Variants in PCDH15 observed in about 807,000 individuals in gnomAD.
PCDH15 encodes protocadherin-15.
In PCDH15, 129 loss-of-function variants were observed where a neutral mutation model predicts 178.5. The ratio of observed to expected loss-of-function variants is 0.72; its 90% confidence interval spans 0.63 to 0.84. The LOEUF (loss-of-function observed/expected upper bound fraction) is 0.84. Ranked by LOEUF, PCDH15 falls within the 40% of genes least tolerant of loss-of-function variation. The probability of loss-of-function intolerance (pLI) is 0.00; values close to 1 mark genes in which losing one functional copy is unlikely to be tolerated. For synonymous variants in PCDH15, 800 were observed against 732.0 expected, an observed-to-expected ratio of 1.09 and a Z score of -1.50; for missense variants, 2,230 against 2,099.9, an observed-to-expected ratio of 1.06 and a Z score of -1.21.
intron 2 of PCDH15, among the ~76,000 whole-genome samples, chr10:54,948,023 G>C (rs996263651): frequency 6.6e-6 from 1 of 151,412 alleles, no homozygotes; most frequent in African/African-American, 2.4e-5. Context: ...ATTGATATTT[G>C]TGCAACCAGG....
intron 2 of PCDH15, among the ~76,000 whole-genome samples, chr10:55,537,411 T>TTATG (rs539616680): frequency 0.2 from 30,021 of 150,716 alleles, 3,578 homozygotes; most frequent in East Asian, 0.31. Context: ...ATTTATGTAT[T>TTATG]TATGTATGTA....
At chr10:54,182,971 T>G (rs10082371) in intron 13 of PCDH15, among the ~76,000 whole-genome samples, 23,054 of 146,544 alleles carry the variant, frequency 0.16, 4,219 homozygotes, top group African/African-American at 0.45. Flanking sequence ...TTGTTTTTGG[T>G]TTTTTGTTTT....
chr10:54,110,158 G>T (rs1001728934), intron 15 of PCDH15, among the ~76,000 whole-genome samples: 5 of 152,100 alleles, frequency 3.3e-5, no homozygotes, highest in African/African-American at 1.2e-4. Flanking sequence ...GTGGCAGCCA[G>T]GCGTGTGGTG....
chr10:54,317,146 A>G, intron 8 of PCDH15, 125 bp downstream of exon 8: 1 of 981,710 alleles, frequency 1.0e-6, no homozygotes, highest in East Asian at 2.6e-5. Flanking sequence ...TCGGACATAA[A>G]TATTTTTCAA....
chr10:55,453,736 T>A (rs1839485907), intron 2 of PCDH15, among the ~76,000 whole-genome samples: 1 of 152,026 alleles, frequency 6.6e-6, no homozygotes, highest in South Asian at 2.1e-4. Flanking sequence ...CTCTCCCAAT[T>A]CCAATTCCAA....
chr10:54,730,526 T>G (rs76125351), intron 1 of PCDH15, among the ~76,000 whole-genome samples: 1,853 of 151,658 alleles, frequency 0.012, 40 homozygotes, highest in African/African-American at 0.042. Flanking sequence ...AACATGCACA[T>G]GTACCCCAAA....
At chr10:54,521,907 G>A (rs1309838209) in intron 3 of PCDH15, among the ~76,000 whole-genome samples, 1 of 151,896 alleles carries the variant, frequency 6.6e-6, no homozygotes, top group Non-Finnish European at 1.5e-5. Flanking sequence ...GGCTAACACG[G>A]TGGAACCCCA....
intron 3 of PCDH15, among the ~76,000 whole-genome samples, chr10:54,440,043 G>A (rs1424165508): frequency 2.6e-5 from 4 of 151,930 alleles, no homozygotes; most frequent in Admixed American, 2.6e-4. Context: ...TATAGTAAAT[G>A]GAATTTTGAC....
At chr10:55,609,574 C>T (rs1050043193) in intron 2 of PCDH15, among the ~76,000 whole-genome samples, 1 of 152,062 alleles carries the variant, frequency 6.6e-6, no homozygotes, top group Non-Finnish European at 1.5e-5. Flanking sequence ...TGAAAGGCCT[C>T]TTCATTTATG....
At position 54,776,938 on chromosome 10, in the gene PCDH15, G is replaced by A. The variant is rs1049945361; in HGVS notation, c.-29+23987C>T. On this transcript the variant is annotated intron_variant, in intron 1 of 37. Coordinates refer to ENST00000644397, the MANE Select transcript of PCDH15 (RefSeq NM_001384140.1). Reference sequence around the variant, plus strand: ...TTATACAAAGAAAGAACTAGGGAGTGCGAAGAAGAGACATAATTTAAAAGA... The same window carrying A: ...TTATACAAAGAAAGAACTAGGGAGTACGAAGAAGAGACATAATTTAAAAGA... 5.3e-5 allele frequency among the ~76,000 whole-genome samples: 8 copies of A among 152,110 alleles called. No individual in the cohort carries two copies. In the East Asian group the frequency reaches 9.6e-4, roughly 18 times the overall value.
chr10:55,098,931 A>AGAGAGAGAGAGAGAGAGAGAGAGAGAGC (rs1564796896), intron 2 of PCDH15, among the ~76,000 whole-genome samples: 2 of 130,906 alleles, frequency 1.5e-5, no homozygotes, highest in Admixed American at 8.0e-5. Flanking sequence ...AGAGAGAGAG[A>AGAGAGAGAGAGAGAGAGAGAGAGAGAGC]GAGCTCTTAT....
At chr10:54,836,068 G>T (rs1408050725) in intron 3 of PCDH15, among the ~76,000 whole-genome samples, 2 of 152,100 alleles carry the variant, frequency 1.3e-5, no homozygotes, top group Admixed American at 6.6e-5. Flanking sequence ...ACACAAAAAA[G>T]TTCCTAATTC....
intron 10 of PCDH15, among the ~76,000 whole-genome samples, chr10:54,196,928 G>A (rs2049731247): frequency 6.6e-6 from 1 of 152,180 alleles, no homozygotes; most frequent in Non-Finnish European, 1.5e-5. Context: ...ACGACTGTGA[G>A]AAATAAATGT....
At chr10:53,888,285 TATATAC>T (rs1344744166) in intron 26 of PCDH15, among the ~76,000 whole-genome samples, 2 of 54,870 alleles carry the variant, frequency 3.6e-5, no homozygotes, top group South Asian at 7.2e-4. Flanking sequence ...TCCAACACTA[TATATAC>T]ATATATATAT....
At position 55,609,359 on chromosome 10, in the gene PCDH15, G is replaced by T. The variant is rs180990060; in HGVS notation, c.-156+18266C>A. 2.5e-3 allele frequency among the ~76,000 whole-genome samples: 386 copies of T among 152,104 alleles called. 2 individuals are homozygous for T. The highest frequency in any genetic ancestry group is 8.9e-3 in the African/African-American group (369 of 41,476). ...GGCATGCACTATGCCTTCAAACCTT[G>T]GTCTTTATGTTCATAAATAGCTATA... On this transcript the variant is annotated intron_variant, in intron 2 of 5. Transcript: ENST00000613346.
chr10:55,180,912 T>C (rs1426690709), intron 1 of PCDH15, among the ~76,000 whole-genome samples: 2 of 152,020 alleles, frequency 1.3e-5, no homozygotes, highest in Non-Finnish European at 2.9e-5. Context: ...ACCTTGGCTG[T>C]CATGTTCCTA....
At chr10:54,955,116 T>G (rs1392899670) in intron 2 of PCDH15, among the ~76,000 whole-genome samples, 1 of 151,368 alleles carries the variant, frequency 6.6e-6, no homozygotes, top group South Asian at 2.1e-4. Flanking sequence ...ATTCAGAAGC[T>G]TTCTTGGCAA....
At chr10:53,941,465 C>T (rs1900456) in intron 23 of PCDH15, among the ~76,000 whole-genome samples, 10,486 of 152,126 alleles carry the variant, frequency 0.069, 1,048 homozygotes, top group African/African-American at 0.21. Flanking sequence ...TAGTAATATG[C>T]ATTTAATGCT....
intron 2 of PCDH15, among the ~76,000 whole-genome samples, chr10:55,443,520 C>A (rs1295916957): frequency 6.6e-6 from 1 of 151,952 alleles, no homozygotes; most frequent in Non-Finnish European, 1.5e-5. Context: ...CGGCCAAAAA[C>A]CATATGAAAT....
Sources: allele counts gnomAD v4.1 joint callset (sites outside exome capture counted in the v4.1 genomes callset), GRCh38; gene constraint gnomAD v4.1.1; transcripts MANE v1.5; gene names NCBI Gene and HGNC (gene_info 2026-07-23, HGNC 2026-07-21).